Variants in TNS3 observed in about 807,000 individuals in gnomAD.
TNS3 encodes tensin-3.
TNS3 carries 45 observed loss-of-function variants against 140.9 expected under a neutral mutation model. That is an observed-to-expected ratio of 0.32 (90% CI 0.25 to 0.41). The LOEUF (loss-of-function observed/expected upper bound fraction) is 0.41. Ranked by LOEUF, TNS3 falls within the 10% of genes least tolerant of loss-of-function variation. The pLI is 1.00. For synonymous variants in TNS3, 815 were observed against 788.4 expected (o/e 1.03, Z -0.56); for missense variants, 1,716 against 1,906.7 (o/e 0.90, Z 1.86).
intron 9 of TNS3, among the ~76,000 whole-genome samples, chr7:47,427,147 A>G (rs2151490581): frequency 7.0e-6 from 1 of 143,080 alleles, no homozygotes; most frequent in Non-Finnish European, 1.5e-5. Flanking sequence ...AAAAAAAAAC[A>G]GAAGTGCTCA....
chr7:47,468,927 T>C (rs76879529), intron 4 of TNS3, among the ~76,000 whole-genome samples: 10,604 of 151,994 alleles, frequency 0.07, 404 homozygotes, highest in African/African-American at 0.08. Context: ...AAAACACAAA[T>C]AAAGCTGCAC....
In TNS3 at chr7:47,283,770, G is replaced by A; in HGVS notation, c.4024C>T (p.Pro1342Ser). 2 of 1,611,930 alleles carry A rather than the reference G, an allele frequency of 1.2e-6. No homozygotes were observed. The highest frequency in any genetic ancestry group is 1.7e-6 in the Non-Finnish European group (2 of 1,179,010). Residue 1342 changes from proline (P) to serine (S), a missense_variant, in exon 28 of 31, where the codon CCT (proline) becomes TCT (serine). Pro to Ser is a moderately conservative substitution (Grantham distance 74, BLOSUM62 -1). Transcript: ENST00000311160. The stretch of plus-strand genomic sequence containing the variant: ...TGCACAACTGTGGACACAGGTGGAG[G>A]CTCCTGGACCAGGGTGATGCTCAGG... ...KALSITLVQEPPPVSTVVHFK... is the reference protein window; with the variant it reads ...KALSITLVQESPPVSTVVHFK...
intron 16 of TNS3, among the ~76,000 whole-genome samples, chr7:47,391,451 A>G (rs974962575): frequency 6.6e-5 from 10 of 152,174 alleles, no homozygotes; most frequent in African/African-American, 2.4e-4. Context: ...TCAGAGTTGG[A>G]GGGAGGTATC....
At chr7:47,399,720 A>C (rs923136408) in intron 15 of TNS3, among the ~76,000 whole-genome samples, 27 of 152,268 alleles carry the variant, frequency 1.8e-4, no homozygotes, top group African/African-American at 6.3e-4. Context: ...AACCATAAAA[A>C]GTCTAGAAGA....
intron 20 of TNS3, among the ~76,000 whole-genome samples, chr7:47,328,825 A>G (rs1211508449): frequency 6.6e-6 from 1 of 152,080 alleles, no homozygotes; most frequent in Non-Finnish European, 1.5e-5. Flanking sequence ...GGGCTATAAC[A>G]TCCTGCCCAA....
At chr7:47,385,415 C>A (rs1457153991) in intron 16 of TNS3, among the ~76,000 whole-genome samples, 1 of 152,202 alleles carries the variant, frequency 6.6e-6, no homozygotes, top group Non-Finnish European at 1.5e-5. Context: ...CCATTCCAGC[C>A]CTGTCCTGGC....
chr7:47,292,002 G>A lies in TNS3; in HGVS notation c.3881C>T (p.Pro1294Leu). The A allele has an allele frequency of 1.9e-6, 3 of 1,614,146 alleles. No individual in the cohort carries two copies. In the East Asian group the frequency reaches 6.7e-5, roughly 36 times the overall value. ...DPLEEIAESS[P>L]QTAANSAAEL... ...AGCTGCTGAATTGGCTGCCGTCTGG[G>A]GAGAACTTTCTGCTATTTCCTCCAA... The change falls in exon 27 of 31, where the codon CCC (proline) becomes CTC (leucine). Residue 1294 changes from proline to leucine, a missense_variant. By Grantham distance (98) the Pro-to-Leu change is moderately conservative. This residue lies in a region of TNS3 where 216 missense variants were observed against 295.7 expected (regional missense o/e 0.73). Transcript: ENST00000311160.
chr7:47,412,555 T>C (rs969422491), intron 12 of TNS3, among the ~76,000 whole-genome samples: 3 of 151,862 alleles, frequency 2.0e-5, no homozygotes, highest in African/African-American at 7.3e-5. Context: ...GAAGTGGAGG[T>C]TGCAGTGAGT....
intron 1 of TNS3, among the ~76,000 whole-genome samples, chr7:47,534,353 C>T (rs1018492551): frequency 1.6e-4 from 25 of 151,874 alleles, no homozygotes; most frequent in African/African-American, 6.0e-4. Flanking sequence ...CTGATACCTA[C>T]ACTACAAGCT....
chr7:47,278,250 C>T (rs765554742), intron 30 of TNS3, 30 bp from the exon 31 acceptor site: 1 of 1,601,274 alleles, frequency 6.2e-7, no homozygotes, highest in Non-Finnish European at 8.5e-7. Flanking sequence ...TCAGAGTGGT[C>T]AGTGTCCCAC....
chr7:47,486,262 G>A (rs933246992), intron 3 of TNS3, among the ~76,000 whole-genome samples: 1 of 152,076 alleles, frequency 6.6e-6, no homozygotes, highest in African/African-American at 2.4e-5. Flanking sequence ...GTGTGTGCTT[G>A]TGAGAATGTA....
intron 24 of TNS3, among the ~76,000 whole-genome samples, chr7:47,296,527 T>G (rs955997182): frequency 2.0e-5 from 3 of 152,186 alleles, no homozygotes; most frequent in African/African-American, 7.2e-5. Flanking sequence ...TTTGCCATGA[T>G]TTTTAATGCA....
chr7:47,308,759 C>CT (rs1786904505), intron 20 of TNS3, among the ~76,000 whole-genome samples: 1 of 152,156 alleles, frequency 6.6e-6, no homozygotes, highest in South Asian at 2.1e-4. Context: ...AATCTTGATA[C>CT]TTTCCTCTCT....
chr7:47,344,302 A>C (rs1789191402), intron 20 of TNS3, among the ~76,000 whole-genome samples: 2 of 152,168 alleles, frequency 1.3e-5, no homozygotes, highest in African/African-American at 4.8e-5. Context: ...GTTCCTGCAG[A>C]GATCCAGGGA....
intron 4 of TNS3, among the ~76,000 whole-genome samples, chr7:47,464,877 T>C (rs1467468124): frequency 6.6e-6 from 1 of 152,182 alleles, no homozygotes; most frequent in Non-Finnish European, 1.5e-5. Context: ...GCACCAATGA[T>C]GGGGAGCTCA....
At chr7:47,452,038 TGGAA>T (rs1371972889) in intron 4 of TNS3, among the ~76,000 whole-genome samples, 9 of 152,332 alleles carry the variant, frequency 5.9e-5, no homozygotes, top group South Asian at 4.1e-4. Context: ...ACAGCATTCT[TGGAA>T]GGATTAAATA....
intron 2 of TNS3, among the ~76,000 whole-genome samples, chr7:47,524,436 A>G (rs1052240087): frequency 6.6e-6 from 1 of 152,190 alleles, no homozygotes; most frequent in Non-Finnish European, 1.5e-5. Context: ...GAACAGGGAC[A>G]CAGCAGGAGC....
At chr7:47,335,708 G>A (rs549573170) in intron 20 of TNS3, among the ~76,000 whole-genome samples, 2 of 152,282 alleles carry the variant, frequency 1.3e-5, no homozygotes, top group African/African-American at 4.8e-5. Flanking sequence ...CAGCATCAGT[G>A]TCCACTATTT....
At chr7:47,476,642 G>A (rs553712986) in intron 4 of TNS3, among the ~76,000 whole-genome samples, 75 of 152,290 alleles carry the variant, frequency 4.9e-4, no homozygotes, top group African/African-American at 1.7e-3. Flanking sequence ...TCATGGAGAC[G>A]TGGTGCATGC....
Sources: allele counts gnomAD v4.1 joint callset (sites outside exome capture counted in the v4.1 genomes callset), GRCh38; gene constraint gnomAD v4.1.1; regional missense constraint gnomAD v4.1.1; transcripts MANE v1.5; gene names NCBI Gene and HGNC (gene_info 2026-07-23, HGNC 2026-07-21).